Variants in ADAR observed in about 807,000 individuals in gnomAD.
The protein encoded by ADAR is double-stranded RNA-specific adenosine deaminase.
In ADAR, 41 loss-of-function variants were observed where a neutral mutation model predicts 113.2. The observed-to-expected ratio is 0.36, with a 90% CI of 0.28 to 0.47. ADAR has a LOEUF of 0.47. Ranked by LOEUF, ADAR falls within the 20% of genes least tolerant of loss-of-function variation. ADAR has a pLI of 1.00. For missense variants in ADAR, 1,242 were observed against 1,540.9 expected (o/e 0.81, Z 3.25); for synonymous variants, 605 against 572.6 (o/e 1.06, Z -0.81).
chr1:154,591,002 G>C (rs548239764), intron 6 of ADAR, among the ~76,000 whole-genome samples: 2 of 151,954 alleles, frequency 1.3e-5, no homozygotes, highest in Non-Finnish European at 2.9e-5. Context: ...GTAATACTAG[G>C]TATGAAAAAA....
chr1:154,596,952 A>G lies in ADAR; in HGVS notation c.2123T>C (p.Met708Thr). 6.2e-7 allele frequency: 1 copy of G among 1,614,226 alleles called. No individual in the cohort carries two copies. The highest frequency in any genetic ancestry group is 1.1e-5 in the South Asian group (1 of 91,088). Residue 708 changes from methionine to threonine, a missense_variant, in exon 6 of 15, where the codon ATG (methionine) becomes ACG (threonine). By Grantham distance (81) the Met-to-Thr change is moderately conservative. Coordinates refer to ENST00000368474, the MANE Select transcript of ADAR (RefSeq NM_001111.5). Reference sequence around the variant, plus strand: ...AATCTTCCTGACCTTGTTGGGCATCATGGATTCCAAGTTATCAAGTGACTC... The same window carrying G: ...AATCTTCCTGACCTTGTTGGGCATCGTGGATTCCAAGTTATCAAGTGACTC... ...ISESLDNLES[M>T]MPNKVRKIGE...
chr1:154,612,624 G>T (rs1391069335), upstream of ADAR, among the ~76,000 whole-genome samples: 1 of 151,500 alleles, frequency 6.6e-6, no homozygotes, highest in African/African-American at 2.4e-5. Flanking sequence ...ACCACGCCCA[G>T]CCTGCTCAGT....
intron 6 of ADAR, among the ~76,000 whole-genome samples, chr1:154,595,142 G>A (rs1305849920): frequency 6.6e-6 from 1 of 152,184 alleles, no homozygotes; most frequent in Non-Finnish European, 1.5e-5. Context: ...TCCGCCTCCT[G>A]TGGGATCAGC....
chr1:154,608,151 C>T lies in ADAR; in HGVS notation c.-145G>A. 1 of 1,010,164 alleles carries T rather than the reference C, an allele frequency of 9.9e-7. No homozygotes were observed. Among genetic ancestry groups the T allele is most frequent in the South Asian group, 1.9e-5 (1 of 52,252 alleles). 62.6% of individuals were successfully genotyped at this position (1,010,164 alleles called of 1,614,324 possible). On this transcript the variant is annotated 5_prime_UTR_variant, in exon 1 of 15. Transcript: ENST00000368474. ...CGGGGCGTCGGCACGGGAAACTCCGCGGGTCTGCGCGCCGGGCCCAAGATG... is the reference window on the plus strand; with the variant it reads ...CGGGGCGTCGGCACGGGAAACTCCGTGGGTCTGCGCGCCGGGCCCAAGATG...
intron 1 of ADAR, among the ~76,000 whole-genome samples, chr1:154,626,163 T>G (rs1698931560): frequency 6.7e-6 from 1 of 149,154 alleles, no homozygotes; most frequent in African/African-American, 2.5e-5. Flanking sequence ...TCGTCCAGGC[T>G]GGGGTGCAAT....
chr1:154,625,980 C>A (rs1189625477), intron 1 of ADAR, among the ~76,000 whole-genome samples: 1 of 115,688 alleles, frequency 8.6e-6, no homozygotes. Context: ...CTCCAGCCTG[C>A]GCGATGGAGT....
In ADAR at chr1:154,602,107, G is replaced by C. The variant is rs1473239865; in HGVS notation, c.535C>G (p.Leu179Val). 1 of 1,614,100 alleles carries C rather than the reference G, an allele frequency of 6.2e-7. No individual in the cohort carries two copies. The highest frequency in any genetic ancestry group is 1.3e-5 in the African/African-American group (1 of 74,928). ...KKEINRVLYS[L>V]AKKGKLQKEA... ...TTCTGTAGCTTGCCCTTCTTTGCCA[G>C]GGAGTATAAAACTCGATTGATTTCT... The change falls in exon 2 of 15, where the codon CTG (leucine) becomes GTG (valine). Residue 179 changes from leucine (L) to valine (V), a missense_variant. This residue lies in a region of ADAR where 462 missense variants were observed against 483.1 expected (regional missense o/e 0.96). Transcript: ENST00000368474.
chr1:154,586,420 G>C, intron 11 of ADAR, 57 bp from the exon 12 acceptor site: 5 of 1,572,158 alleles, frequency 3.2e-6, no homozygotes, highest in Non-Finnish European at 4.4e-6. Flanking sequence ...CCACTCCCTG[G>C]CGTGGTTTCT....
At chr1:154,586,155 T>C (rs200781058) in intron 12 of ADAR, 26 bp downstream of exon 12, 193 of 1,613,430 alleles carry the variant, frequency 1.2e-4, no homozygotes, top group Middle Eastern at 8.7e-4. Context: ...ACAGACCAGT[T>C]CCAGATCCCA....
intron 1 of ADAR, among the ~76,000 whole-genome samples, chr1:154,613,317 C>T (rs1364586854): frequency 7.6e-6 from 1 of 131,210 alleles, no homozygotes; most frequent in Non-Finnish European, 1.6e-5. Flanking sequence ...CAGAATCTCA[C>T]TCTGTTATCC....
intron 1 of ADAR, among the ~76,000 whole-genome samples, chr1:154,622,309 TTAGA>T (rs1035633577): frequency 2.0e-5 from 3 of 152,186 alleles, no homozygotes; most frequent in African/African-American, 7.2e-5. Flanking sequence ...TATCAGGCTG[TTAGA>T]TAGCTCTACT....
chr1:154,627,003 C>T (rs1698957620), intron 1 of ADAR, among the ~76,000 whole-genome samples: 1 of 152,194 alleles, frequency 6.6e-6, no homozygotes, highest in African/African-American at 2.4e-5. Flanking sequence ...ATCCTGCCTC[C>T]CTCTCTAGCA....
chr1:154,591,611 G>A (rs1321806953), intron 6 of ADAR, among the ~76,000 whole-genome samples: 1 of 152,230 alleles, frequency 6.6e-6, no homozygotes, highest in Non-Finnish European at 1.5e-5. Context: ...AAAACAGCTT[G>A]GAAATGTACC....
chr1:154,619,154 T>C (rs1416981332), intron 1 of ADAR, among the ~76,000 whole-genome samples: 1 of 152,196 alleles, frequency 6.6e-6, no homozygotes, highest in African/African-American at 2.4e-5. Flanking sequence ...GCTAGAACTA[T>C]GCCTCCCTTT....
rs368716872 is a variant in ADAR, at chr1:154,585,171, G to C, written c.3443+46C>G. ...GCAGAGGTATGATGCACCCTTGCAA[G>C]TCAGGGCAGAGGCTTGGTCCTCACT... On this transcript the variant is annotated intron_variant, in intron 14 of 14. Coordinates refer to ENST00000368474, the MANE Select transcript of ADAR (RefSeq NM_001111.5). 5.5e-5 allele frequency: 89 copies of C among 1,614,166 alleles called. 1 individual carries two copies. The African/African-American group carries it at 1.1e-3, about 20-fold the overall frequency.
intron 6 of ADAR, among the ~76,000 whole-genome samples, chr1:154,594,541 C>T (rs1189230627): frequency 1.3e-5 from 2 of 152,174 alleles, no homozygotes; most frequent in African/African-American, 2.4e-5. Context: ...ATCTGACTCC[C>T]GCATCCCAAA....
Position 154,601,005 on chromosome 1 carries a change from C to T in ADAR, c.1601+36G>A. ...TGCGTCAGGAGCAAAAGCACCTGAC[C>T]CCAACCCTAGGTACAGTTCCTGGGT... is the stretch of plus-strand genomic sequence containing the variant. On this transcript the variant is annotated intron_variant, in intron 2 of 14. Transcript: ENST00000368474. The surrounding 1 kb of genome is among the most constrained non-coding windows in gnomAD (Gnocchi z 4.7). The T allele has an allele frequency of 6.2e-7, 1 of 1,613,284 alleles. No individual in the cohort carries two copies. The highest frequency in any genetic ancestry group is 8.5e-7 in the Non-Finnish European group (1 of 1,179,968).
In ADAR at chr1:154,608,140, G is replaced by C; in HGVS notation, c.-134C>G. The C allele has an allele frequency of 8.5e-7, 1 of 1,169,944 alleles. No homozygotes were observed. Among genetic ancestry groups the C allele is most frequent in the Non-Finnish European group, 1.1e-6 (1 of 872,904 alleles). 72.5% of individuals were successfully genotyped at this position (1,169,944 alleles called of 1,614,324 possible). A position where few individuals can be genotyped will look rare whatever the true frequency, so the allele number is the denominator to read the frequency against. On this transcript the variant is annotated 5_prime_UTR_variant, in exon 1 of 15. Transcript: ENST00000368474. ...GGAAGTGGCCCCGGGGCGTCGGCAC[G>C]GGAAACTCCGCGGGTCTGCGCGCCG...
rs1557886901 is a variant in ADAR at position 154,601,591 on chromosome 1, G to A, written c.1051C>T (p.Pro351Ser). 1.2e-6 allele frequency: 2 copies of A among 1,612,550 alleles called. No individual in the cohort carries two copies. The highest frequency in any genetic ancestry group is 1.7e-6 in the Non-Finnish European group (2 of 1,180,010). Residue 351 changes from proline to serine, a missense_variant, in exon 2 of 15, where the codon CCC (proline) becomes TCC (serine). Around this residue, in one of 2 missense-constraint regions of ADAR, gnomAD observed 462 missense variants for 483.1 expected, o/e 0.96. Transcript: ENST00000368474. The surrounding 1 kb of genome is among the most constrained non-coding windows in gnomAD (Gnocchi z 4.7). ...GDVYRQGTTP[P>S]IWHLTDKKRE... ...TTCTTGTCTGTCAAATGCCATATGG[G>A]AGGGGTTGTCCCTTGTCTATAGACA... is the stretch of plus-strand genomic sequence containing the variant.
Sources: allele counts gnomAD v4.1 joint callset (sites outside exome capture counted in the v4.1 genomes callset), GRCh38; gene constraint gnomAD v4.1.1; regional missense constraint gnomAD v4.1.1; non-coding constraint Gnocchi (gnomAD v3.1); transcripts MANE v1.5; gene names NCBI Gene and HGNC (gene_info 2026-07-23, HGNC 2026-07-21).